Variants in PTPRO observed in about 807,000 individuals in gnomAD.
PTPRO encodes receptor-type tyrosine-protein phosphatase O.
PTPRO carries 62 observed loss-of-function variants against 145.2 expected under a neutral mutation model. The ratio of observed to expected loss-of-function variants is 0.43; its 90% CI spans 0.35 to 0.53. The LOEUF is 0.53. Ranked by LOEUF, PTPRO falls within the 20% of genes least tolerant of loss-of-function variation. The pLI is 0.01. For synonymous variants in PTPRO, 565 were observed against 514.7 expected (o/e 1.10, Z -1.32); for missense variants, 1,345 against 1,482.7 (o/e 0.91, Z 1.53).
chr12:15,568,374 G>C (rs1943955614), intron 18 of PTPRO, among the ~76,000 whole-genome samples: 1 of 152,134 alleles, frequency 6.6e-6, no homozygotes, highest in African/African-American at 2.4e-5. Context: ...AAGTTGCAGT[G>C]AGCCGAAATA....
intron 1 of PTPRO, among the ~76,000 whole-genome samples, chr12:15,352,234 A>T (rs1425959586): frequency 3.3e-5 from 5 of 152,196 alleles, no homozygotes; most frequent in African/African-American, 1.2e-4. Context: ...GTTCTGCCCA[A>T]ATTATTTGAT....
chr12:15,516,863 G>A lies in PTPRO; in HGVS notation c.1686G>A (p.Val562=). 1 of 1,612,894 alleles carries A rather than the reference G, an allele frequency of 6.2e-7. No individual in the cohort carries two copies. Among genetic ancestry groups the A allele is most frequent in the Non-Finnish European group, 8.5e-7 (1 of 1,178,880 alleles). ...RPYLGVFRKY[V]VEMFYFNPAT... ...ATTTAGGCGTGTTCAGAAAATACGT[G>A]GTTGAAATGTTTTATTTCAACCCTG... is the stretch of plus-strand genomic sequence containing the variant. Residue 562 remains valine (V), a synonymous_variant, in exon 9 of 27, where the codon GTG becomes GTA. Transcript: ENST00000281171.
intron 1 of PTPRO, among the ~76,000 whole-genome samples, chr12:15,392,026 G>A (rs1466396551): frequency 6.6e-6 from 1 of 152,170 alleles, no homozygotes; most frequent in Non-Finnish European, 1.5e-5. Context: ...GGGGCCTCTA[G>A]TAACCATTCA....
intron 1 of PTPRO, among the ~76,000 whole-genome samples, chr12:15,371,830 G>GT (rs1269203914): frequency 2.0e-5 from 3 of 152,036 alleles, no homozygotes; most frequent in African/African-American, 4.8e-5. Context: ...AAATCTGATG[G>GT]TTTTATAAGG....
At chr12:15,480,406 A>T (rs959632953) in intron 1 of PTPRO, among the ~76,000 whole-genome samples, 5 of 152,286 alleles carry the variant, frequency 3.3e-5, no homozygotes, top group Middle Eastern at 6.8e-3. Flanking sequence ...TGTCTTAGCA[A>T]GAAATTCACT....
intron 2 of PTPRO, among the ~76,000 whole-genome samples, chr12:15,496,161 T>A (rs1942101640): frequency 6.9e-6 from 1 of 145,694 alleles, no homozygotes; most frequent in Non-Finnish European, 1.5e-5. Context: ...TTTTTTTTTT[T>A]TTTGAGATTT....
Position 15,516,968 on chromosome 12 carries a change from T to G in PTPRO, c.1779+12T>G, listed in dbSNP as rs1295271910. 6.2e-7 allele frequency: 1 copy of G among 1,605,416 alleles called. No homozygotes were observed. Among genetic ancestry groups the G allele is most frequent in the Non-Finnish European group, 8.5e-7 (1 of 1,172,002 alleles). On this transcript the variant is annotated intron_variant, in intron 9 of 26. Coordinates refer to ENST00000281171, the MANE Select transcript of PTPRO (RefSeq NM_030667.3). ...TAACTGCATCCGTGGTAATCTTCCC[T>G]TAACCAACTGTCAGTCTTTCCTATG...
intron 1 of PTPRO, among the ~76,000 whole-genome samples, chr12:15,411,895 A>G (rs913064037): frequency 6.6e-6 from 1 of 152,248 alleles, no homozygotes; most frequent in African/African-American, 2.4e-5. Flanking sequence ...TTAGCCCAGC[A>G]GCATGCATCA....
chr12:15,583,781 G>A (rs570734720), intron 23 of PTPRO, among the ~76,000 whole-genome samples: 1 of 152,134 alleles, frequency 6.6e-6, no homozygotes, highest in South Asian at 2.1e-4. Context: ...TCAATACAAC[G>A]TTAGAACTTG....
chr12:15,508,755 G>C lies in PTPRO; in HGVS notation c.1452G>C (p.Gln484His). 3 of 1,614,046 alleles carry C rather than the reference G, an allele frequency of 1.9e-6. No homozygotes were observed. The highest frequency in any genetic ancestry group is 3.3e-4 in the Middle Eastern group (2 of 6,052). ...AGGAGAGCCAGAGGCTTGAAAAGCA[G>C]TACTGCACTCAGGTAAAGGAGAGGA... ...KQKESQRLEK[Q>H]YCTQVNSSKP... Residue 484 changes from glutamine to histidine, a missense_variant, in exon 7 of 27, where the codon CAG (glutamine) becomes CAC (histidine). Around this residue, in one of 3 missense-constraint regions of PTPRO, gnomAD observed 1,130 missense variants for 1,214.7 expected, o/e 0.93. Coordinates refer to ENST00000281171, the MANE Select transcript of PTPRO (RefSeq NM_030667.3).
Position 15,432,083 on chromosome 12 carries a change from A to G in PTPRO, c.76-51891A>G, listed in dbSNP as rs61908010. Reference sequence around the variant, plus strand: ...CATGTCATGGGGGTTTATTGTACAGATTATTTCATCATCCAGGTATTATAA... The same window carrying G: ...CATGTCATGGGGGTTTATTGTACAGGTTATTTCATCATCCAGGTATTATAA... On this transcript the variant is annotated intron_variant, in intron 1 of 26. Coordinates refer to ENST00000281171, the MANE Select transcript of PTPRO (RefSeq NM_030667.3). 1.4e-3 allele frequency among the ~76,000 whole-genome samples: 217 copies of G among 152,188 alleles called. 1 individual carries two copies. Among genetic ancestry groups the G allele is most frequent in the Non-Finnish European group, 2.3e-3 (158 of 68,012 alleles).
chr12:15,471,745 G>A (rs1591841268), intron 1 of PTPRO, among the ~76,000 whole-genome samples: 1 of 152,278 alleles, frequency 6.6e-6, no homozygotes, highest in South Asian at 2.1e-4. Flanking sequence ...TCTGATGCAT[G>A]CTTGTTGCCC....
chr12:15,356,498 C>G (rs1937993250), intron 1 of PTPRO, among the ~76,000 whole-genome samples: 1 of 152,066 alleles, frequency 6.6e-6, no homozygotes, highest in Non-Finnish European at 1.5e-5. Context: ...AGCTCTGAGT[C>G]CTGGGGTTCA....
chr12:15,431,599 G>A (rs1011432914), intron 1 of PTPRO, among the ~76,000 whole-genome samples: 2 of 152,090 alleles, frequency 1.3e-5, no homozygotes, highest in African/African-American at 2.4e-5. Context: ...GTTATTATTC[G>A]ATAGAGCAAA....
intron 1 of PTPRO, among the ~76,000 whole-genome samples, chr12:15,442,394 G>A (rs551453809): frequency 6.6e-6 from 1 of 152,230 alleles, no homozygotes; most frequent in African/African-American, 2.4e-5. Flanking sequence ...GCATCATACT[G>A]AATGGGCAAA....
At position 15,510,647 on chromosome 12, in the gene PTPRO, C is replaced by T. The variant is rs573458557; in HGVS notation, c.1464+1880C>T. 1.2e-4 allele frequency among the ~76,000 whole-genome samples: 18 copies of T among 152,142 alleles called. No individual in the cohort carries two copies. The South Asian group carries it at 3.7e-3, about 32-fold the overall frequency. ...TATTCAGGATTATAAGCAAGAAGACCAATATTTAAAGGGGAGTGCAGGAAA... is the reference window on the plus strand; with the variant it reads ...TATTCAGGATTATAAGCAAGAAGACTAATATTTAAAGGGGAGTGCAGGAAA... On this transcript the variant is annotated intron_variant, in intron 7 of 26. Transcript: ENST00000281171.
intron 13 of PTPRO, among the ~76,000 whole-genome samples, chr12:15,546,960 A>G (rs1172710991): frequency 6.6e-6 from 1 of 152,226 alleles, no homozygotes; most frequent in Non-Finnish European, 1.5e-5. Flanking sequence ...GAATAAAGGT[A>G]GTAGGCCATT....
chr12:15,516,475 GAA>G (rs549886438), intron 8 of PTPRO, among the ~76,000 whole-genome samples: 42 of 128,420 alleles, frequency 3.3e-4, no homozygotes, highest in African/African-American at 1.1e-3. Context: ...GAGAGAAAAA[GAA>G]AAAGAGAGAG....
intron 1 of PTPRO, among the ~76,000 whole-genome samples, chr12:15,429,702 G>A (rs1940380589): frequency 6.6e-6 from 1 of 152,118 alleles, no homozygotes; most frequent in African/African-American, 2.4e-5. Context: ...AGGGTTAGAG[G>A]CAGAGAGCAA....
Sources: allele counts gnomAD v4.1 joint callset (sites outside exome capture counted in the v4.1 genomes callset), GRCh38; gene constraint gnomAD v4.1.1; regional missense constraint gnomAD v4.1.1; transcripts MANE v1.5; gene names NCBI Gene and HGNC (gene_info 2026-07-23, HGNC 2026-07-21).